Variants in KBTBD7 observed in about 807,000 individuals in gnomAD.
KBTBD7 encodes kelch repeat and BTB domain-containing protein 7.
In KBTBD7, 25 loss-of-function variants were observed where a neutral mutation model predicts 50.3. The observed-to-expected ratio is 0.50, with a 90% CI of 0.36 to 0.69. The LOEUF (loss-of-function observed/expected upper bound fraction) is 0.69, where lower values mean the gene tolerates loss of function less well. Among genes scored for constraint, KBTBD7 ranks in the 30% least tolerant of loss-of-function variants. The pLI, the probability that KBTBD7 is intolerant of heterozygous loss-of-function variation, is 0.00. For synonymous variants in KBTBD7, 305 were observed against 325.3 expected (o/e 0.94, Z 0.67); for missense variants, 653 against 869.5 (o/e 0.75, Z 3.13).
rs774118031 is a variant in KBTBD7, at chr13:41,192,907, A to G, written c.1351T>C (p.Leu451=). 18 of 1,614,198 alleles carry G rather than the reference A, an allele frequency of 1.1e-5. No individual in the cohort carries two copies. The South Asian group carries it at 2.0e-4, about 18-fold the overall frequency. The part of the protein sequence containing the change: ...GGRDPITGVK[L]KEVECYSVQR... ...ACACTGTAGCATTCCACTTCCTTCA[A>G]CTTAACTCCAGTAATAGGGTCTCGT... The change falls in exon 1 of 1, where the codon TTG becomes CTG. Residue 451 remains leucine, a synonymous_variant. Transcript: ENST00000379483.
At position 41,194,212 on chromosome 13, in the gene KBTBD7, G is replaced by A. The variant is rs2031473754; in HGVS notation, c.46C>T (p.Pro16Ser). Residue 16 changes from proline to serine, a missense_variant, in exon 1 of 1, where the codon CCC (proline) becomes TCC (serine). Physicochemically the swap from Pro to Ser is moderately conservative, Grantham distance 74. Coordinates refer to ENST00000379483, the MANE Select transcript of KBTBD7 (RefSeq NM_032138.7). ...CTCTTGGGCCGCCTCCCACCACGGGGACTGGCGAGGCGGCGAGAGCGCGGG... is the reference window on the plus strand; with the variant it reads ...CTCTTGGGCCGCCTCCCACCACGGGAACTGGCGAGGCGGCGAGAGCGCGGG... ...DVPRSRRLAS[P>S]RGGRRPKRIS... The A allele has an allele frequency of 6.2e-7, 1 of 1,614,166 alleles. No homozygotes were observed. Among genetic ancestry groups the A allele is most frequent in the Non-Finnish European group, 8.5e-7 (1 of 1,180,026 alleles).
In KBTBD7 at chr13:41,194,219, G is replaced by A. The variant is rs145321458; in HGVS notation, c.39C>T (p.Leu13=). The A allele has an allele frequency of 8.7e-6, 14 of 1,613,988 alleles. No homozygotes were observed. Among genetic ancestry groups the A allele is most frequent in the African/African-American group, 1.3e-5 (1 of 74,938 alleles). The change falls in exon 1 of 1, where the codon CTC becomes CTT. Residue 13 remains leucine (L), a synonymous_variant. Coordinates refer to ENST00000379483, the MANE Select transcript of KBTBD7 (RefSeq NM_032138.7). ...SREDVPRSRR[L]ASPRGGRRPK... ...GCCGCCTCCCACCACGGGGACTGGCGAGGCGGCGAGAGCGCGGGACGTCTT... is the reference window on the plus strand; with the variant it reads ...GCCGCCTCCCACCACGGGGACTGGCAAGGCGGCGAGAGCGCGGGACGTCTT...
Position 41,192,260 on chromosome 13 carries a change from T to C in KBTBD7, c.1998A>G (p.Glu666=). ...SGSSSSFSDD[E]VWVQVAPQRN... ...GCTGAGGTGCTACTTGCACCCAGAC[T>C]TCATCATCTGAAAAAGAACTTGAAC... Residue 666 remains glutamate (E), a synonymous_variant, in exon 1 of 1, where the codon GAA becomes GAG. Coordinates refer to ENST00000379483, the MANE Select transcript of KBTBD7 (RefSeq NM_032138.7). 1 of 1,614,194 alleles carries C rather than the reference T, an allele frequency of 6.2e-7. No individual in the cohort carries two copies. Among genetic ancestry groups the C allele is most frequent in the Non-Finnish European group, 8.5e-7 (1 of 1,180,016 alleles).
In KBTBD7 at chr13:41,193,985, A is replaced by C. The variant is rs1348032156; in HGVS notation, c.273T>G (p.Ala91=). The C allele has an allele frequency of 1.9e-6, 3 of 1,614,122 alleles. No homozygotes were observed. Among genetic ancestry groups the C allele is most frequent in the East Asian group, 2.2e-5 (1 of 44,888 alleles). The change falls in exon 1 of 1, where the codon GCT becomes GCG. Residue 91 remains alanine, a synonymous_variant. Coordinates refer to ENST00000379483, the MANE Select transcript of KBTBD7 (RefSeq NM_032138.7). The surrounding 1 kb of genome is among the most constrained non-coding windows in gnomAD (Gnocchi z 5.7). ...ACATGCTCTTGAAGTAGGGACACGC[A>C]GCTGCTAGCACGTTGCGATTGCAGG... is the stretch of plus-strand genomic sequence containing the variant. ...LFSCNRNVLA[A]ACPYFKSMFT...
Position 41,192,465 on chromosome 13 carries a change from A to G in KBTBD7, c.1793T>C (p.Ile598Thr), listed in dbSNP as rs546471033. Residue 598 changes from isoleucine to threonine, a missense_variant, in exon 1 of 1, where the codon ATA becomes ACA. This residue lies in a region of KBTBD7 where 526 missense variants were observed against 717.1 expected (regional missense o/e 0.73). Coordinates refer to ENST00000379483, the MANE Select transcript of KBTBD7 (RefSeq NM_032138.7). ...CTGCAAAAGGCCTAACATGGTACCTATATTAATCCACTGATCTTCCCTAGT... is the reference window on the plus strand; with the variant it reads ...CTGCAAAAGGCCTAACATGGTACCTGTATTAATCCACTGATCTTCCCTAGT... Reference protein sequence around the residue: ...YDTREDQWINIGTMLGLLQFD... With the variant: ...YDTREDQWINTGTMLGLLQFD... The G allele has an allele frequency of 2.7e-5, 44 of 1,614,232 alleles. No homozygotes were observed. In the East Asian group the frequency reaches 6.2e-4, roughly 23 times the overall value.
chr13:41,193,294 T>C lies in KBTBD7; in HGVS notation c.964A>G (p.Ser322Gly), dbSNP rs200052052. The change falls in exon 1 of 1, where the codon AGC (serine) becomes GGC (glycine). Residue 322 changes from serine (S) to glycine (G), a missense_variant. By Grantham distance (56) the Ser-to-Gly change is moderately conservative. This residue lies in a region of KBTBD7 where 526 missense variants were observed against 717.1 expected (regional missense o/e 0.73). Coordinates refer to ENST00000379483, the MANE Select transcript of KBTBD7 (RefSeq NM_032138.7). This position sits in a 1 kb window ranked among gnomAD's most constrained non-coding sequence, Gnocchi z 5.7. ...VPVPNSSSSS[S>G]SSNSLVSAAE... ...GCAGATACAAGAGAGTTGCTGCTGC[T>C]ACTGCTGCTGCTGCTGTTTGGCACT... 80 of 1,611,380 alleles carry C rather than the reference T, an allele frequency of 5.0e-5. No homozygotes were observed. In the Admixed American group the frequency reaches 1.1e-3, roughly 21 times the overall value.
rs2031479382 is a variant in KBTBD7 at position 41,194,347 on chromosome 13, A to G, written c.-90T>C. ...AACCTTCCCTCGCTGACGCTAAGACAAGCCGCGTCCTGGAACAGACTGCGG... is the reference window on the plus strand; with the variant it reads ...AACCTTCCCTCGCTGACGCTAAGACGAGCCGCGTCCTGGAACAGACTGCGG... On this transcript the variant is annotated 5_prime_UTR_variant, in exon 1 of 1. Coordinates refer to ENST00000379483, the MANE Select transcript of KBTBD7 (RefSeq NM_032138.7). The G allele has an allele frequency of 1.1e-5, 16 of 1,510,828 alleles. No homozygotes were observed. The highest frequency in any genetic ancestry group is 1.3e-5 in the Non-Finnish European group (15 of 1,124,242). 93.6% of individuals were successfully genotyped at this position (1,510,828 alleles called of 1,614,324 possible). A position where few individuals can be genotyped will look rare whatever the true frequency, so the allele number is the denominator to read the frequency against.
rs1287729304 is a variant in KBTBD7, at chr13:41,191,635, C to T, written c.*568G>A. 7.0e-6 allele frequency: 1 copy of T among 143,842 alleles called. No homozygotes were observed. Among genetic ancestry groups the T allele is most frequent in the East Asian group, 2.0e-4 (1 of 4,962 alleles). 8.9% of individuals were successfully genotyped at this position (143,842 alleles called of 1,614,324 possible). Reference sequence around the variant, plus strand: ...TCAAAATGAAATCATTATGCAGTAACCTTATATATATAAATCCAATTTTTT... The same window carrying T: ...TCAAAATGAAATCATTATGCAGTAATCTTATATATATAAATCCAATTTTTT... On this transcript the variant is annotated 3_prime_UTR_variant, in exon 1 of 1. Coordinates refer to ENST00000379483, the MANE Select transcript of KBTBD7 (RefSeq NM_032138.7).
In KBTBD7 at chr13:41,193,120, T is replaced by C. The variant is rs1405702681; in HGVS notation, c.1138A>G (p.Lys380Glu). The C allele has an allele frequency of 1.2e-6, 2 of 1,613,988 alleles. No individual in the cohort carries two copies. The highest frequency in any genetic ancestry group is 1.7e-6 in the Non-Finnish European group (2 of 1,180,012). The change falls in exon 1 of 1, where the codon AAG becomes GAG. Residue 380 changes from lysine to glutamate, a missense_variant. Coordinates refer to ENST00000379483, the MANE Select transcript of KBTBD7 (RefSeq NM_032138.7). This position sits in a 1 kb window ranked among gnomAD's most constrained non-coding sequence, Gnocchi z 5.7. The stretch of plus-strand genomic sequence containing the variant: ...CAGACAGCTGAGGAGGTGACAGTCT[T>C]AGTGTGAGCAAAGCTGGTCAAAGGG... ...PSPLTSFAHT[K>E]TVTSSAVCVS...
rs1362130200 is a variant in KBTBD7 at position 41,192,533 on chromosome 13, G to A, written c.1725C>T (p.Thr575=). ...TCACTCGGTTCTTTTTCCATTGTGG[G>A]GTTGTAGAAGTGATGAGAAGCAACT... is the stretch of plus-strand genomic sequence containing the variant. ...DQKLLLITST[T]PQWKKNRVTV... The change falls in exon 1 of 1, where the codon ACC becomes ACT. Residue 575 remains threonine (T), a synonymous_variant. Transcript: ENST00000379483. 3 of 1,614,044 alleles carry A rather than the reference G, an allele frequency of 1.9e-6. No individual in the cohort carries two copies. The highest frequency in any genetic ancestry group is 1.3e-5 in the African/African-American group (1 of 74,928).
At position 41,194,171 on chromosome 13, in the gene KBTBD7, C is replaced by T. The variant is rs1346886594; in HGVS notation, c.87G>A (p.Ser29=). 4 of 1,614,064 alleles carry T rather than the reference C, an allele frequency of 2.5e-6. No individual in the cohort carries two copies. The highest frequency in any genetic ancestry group is 3.4e-6 in the Non-Finnish European group (4 of 1,180,056). The stretch of plus-strand genomic sequence containing the variant: ...CTGGACCCGTGAAAAAGGCCGAAAC[C>T]GAGGGCTTGGAAATCCTCTTGGGCC... ...GRRPKRISKP[S]VSAFFTGPEE... The change falls in exon 1 of 1, where the codon TCG becomes TCA. Residue 29 remains serine (S), a synonymous_variant. Coordinates refer to ENST00000379483, the MANE Select transcript of KBTBD7 (RefSeq NM_032138.7).
chr13:41,190,586 A>C lies in KBTBD7; in HGVS notation c.*1617T>G, dbSNP rs2031360983. On this transcript the variant is annotated 3_prime_UTR_variant, in exon 1 of 1. Transcript: ENST00000379483. Reference sequence around the variant, plus strand: ...AATAAAGAATCAGGAAGATAATTCTAATTGGGTATAGAAAAATTTATACAC... The same window carrying C: ...AATAAAGAATCAGGAAGATAATTCTCATTGGGTATAGAAAAATTTATACAC... 1 of 152,198 alleles carries C rather than the reference A, an allele frequency of 6.6e-6. No homozygotes were observed. Among genetic ancestry groups the C allele is most frequent in the African/African-American group, 2.4e-5 (1 of 41,466 alleles). 9.4% of individuals were successfully genotyped at this position (152,198 alleles called of 1,614,324 possible).
In KBTBD7 at chr13:41,192,621, C is replaced by A. The variant is rs189507322; in HGVS notation, c.1637G>T (p.Arg546Leu). The A allele has an allele frequency of 6.2e-7, 1 of 1,613,978 alleles. No homozygotes were observed. Among genetic ancestry groups the A allele is most frequent in the Non-Finnish European group, 8.5e-7 (1 of 1,180,024 alleles). The change falls in exon 1 of 1, where the codon CGG becomes CTG. Residue 546 changes from arginine to leucine, a missense_variant. Physicochemically the swap from Arg to Leu is moderately radical, Grantham distance 102. Transcript: ENST00000379483. ...TGAATCCAAAGGAATATTACTAATC[C>A]GCCTCCATTCTCCCCTAGCTGGGTT... ...VYNPARGEWRRISNIPLDSET... is the reference protein window; with the variant it reads ...VYNPARGEWRLISNIPLDSET...
In KBTBD7 at chr13:41,194,189, C is replaced by T. The variant is rs1367215598; in HGVS notation, c.69G>A (p.Lys23=). Residue 23 remains lysine (K), a synonymous_variant, in exon 1 of 1, where the codon AAG becomes AAA. Transcript: ENST00000379483. ...LASPRGGRRP[K]RISKPSVSAF... The stretch of plus-strand genomic sequence containing the variant: ...CCGAAACCGAGGGCTTGGAAATCCT[C>T]TTGGGCCGCCTCCCACCACGGGGAC... 2 of 1,614,228 alleles carry T rather than the reference C, an allele frequency of 1.2e-6. No individual in the cohort carries two copies. Among genetic ancestry groups the T allele is most frequent in the Non-Finnish European group, 1.7e-6 (2 of 1,180,046 alleles).
At position 41,192,636 on chromosome 13, in the gene KBTBD7, C is replaced by A. The variant is rs1335452318; in HGVS notation, c.1622G>T (p.Arg541Met). Residue 541 changes from arginine to methionine, a missense_variant, in exon 1 of 1, where the codon AGG becomes ATG. Arg to Met is a moderately conservative substitution (Grantham distance 91). Around this residue, in one of 3 missense-constraint regions of KBTBD7, gnomAD observed 526 missense variants for 717.1 expected, o/e 0.73. Transcript: ENST00000379483. Reference protein sequence around the residue: ...IPVMKVYNPARGEWRRISNIP... With the variant: ...IPVMKVYNPAMGEWRRISNIP... ...ATTACTAATCCGCCTCCATTCTCCCCTAGCTGGGTTGTAGACCTTCATGAC... is the reference window on the plus strand; with the variant it reads ...ATTACTAATCCGCCTCCATTCTCCCATAGCTGGGTTGTAGACCTTCATGAC... The A allele has an allele frequency of 6.2e-7, 1 of 1,614,172 alleles. No homozygotes were observed. The highest frequency in any genetic ancestry group is 8.5e-7 in the Non-Finnish European group (1 of 1,180,038).
At position 41,194,028 on chromosome 13, in the gene KBTBD7, C is replaced by T; in HGVS notation, c.230G>A (p.Gly77Asp). 6.2e-7 allele frequency: 1 copy of T among 1,614,226 alleles called. No individual in the cohort carries two copies. Among genetic ancestry groups the T allele is most frequent in the Non-Finnish European group, 8.5e-7 (1 of 1,180,044 alleles). ...IEVVTPGSGP[G>D]TGRLFSCNRN... ...ATTGCAGGAAAAGAGGCGACCCGTG[C>T]CAGGCCCGCTGCCAGGCGTCACCAC... The change falls in exon 1 of 1, where the codon GGC (glycine) becomes GAC (aspartate). Residue 77 changes from glycine (G) to aspartate (D), a missense_variant. This residue lies in a region of KBTBD7 where 119 missense variants were observed against 125.0 expected (regional missense o/e 0.95). Coordinates refer to ENST00000379483, the MANE Select transcript of KBTBD7 (RefSeq NM_032138.7).
chr13:41,192,080 A>C lies in KBTBD7; in HGVS notation c.*123T>G, dbSNP rs1236476552. 1 of 910,408 alleles carries C rather than the reference A, an allele frequency of 1.1e-6. No individual in the cohort carries two copies. Among genetic ancestry groups the C allele is most frequent in the Admixed American group, 2.4e-5 (1 of 42,542 alleles). 56.4% of individuals were successfully genotyped at this position (910,408 alleles called of 1,614,324 possible). A position where few individuals can be genotyped will look rare whatever the true frequency, so the allele number is the denominator to read the frequency against. ...CTGTCTAAACCTTGTAGTATTTCAA[A>C]ATATTACCCTTTCTAAACCAAATCT... On this transcript the variant is annotated 3_prime_UTR_variant, in exon 1 of 1. Transcript: ENST00000379483.
At position 41,194,403 on chromosome 13, in the gene KBTBD7, C is replaced by A; in HGVS notation, c.-146G>T. On this transcript the variant is annotated 5_prime_UTR_variant, in exon 1 of 1. Coordinates refer to ENST00000379483, the MANE Select transcript of KBTBD7 (RefSeq NM_032138.7). ...GCCGCACTTCTGAATTCAGCCCTAT[C>A]CCGCGGTGAGGCCTCCCTTTATTGC... 1 of 1,123,046 alleles carries A rather than the reference C, an allele frequency of 8.9e-7. No individual in the cohort carries two copies. Among genetic ancestry groups the A allele is most frequent in the Non-Finnish European group, 1.3e-6 (1 of 798,630 alleles). 69.6% of individuals were successfully genotyped at this position (1,123,046 alleles called of 1,614,324 possible).
rs1566245355 is a variant in KBTBD7 at position 41,190,119 on chromosome 13, A to G, written c.*2084T>C. 1 of 152,198 alleles carries G rather than the reference A, an allele frequency of 6.6e-6. No homozygotes were observed. The highest frequency in any genetic ancestry group is 1.5e-5 in the Non-Finnish European group (1 of 68,006). The allele number at this position is 152,198 out of a possible 1,614,324, so 9.4% of individuals were successfully genotyped here. A position where few individuals can be genotyped will look rare whatever the true frequency, so the allele number is the denominator to read the frequency against. ...TAATCTGGTTGAGATAAGCATTGCCATCTCTCAATTTTTACAAAACAAAAA... is the reference window on the plus strand; with the variant it reads ...TAATCTGGTTGAGATAAGCATTGCCGTCTCTCAATTTTTACAAAACAAAAA... On this transcript the variant is annotated 3_prime_UTR_variant, in exon 1 of 1. Transcript: ENST00000379483.
Sources: allele counts gnomAD v4.1 joint callset, GRCh38; gene constraint gnomAD v4.1.1; regional missense constraint gnomAD v4.1.1; non-coding constraint Gnocchi (gnomAD v3.1); transcripts MANE v1.5; gene names NCBI Gene and HGNC (gene_info 2026-07-23, HGNC 2026-07-21).